ZFP2: variants seen among roughly 807,000 people sequenced by gnomAD.
ZFP2 encodes the protein zinc finger protein ZFP2.
A neutral mutation model predicts 36.1 loss-of-function variants in ZFP2; 33 were observed. The ratio of observed to expected loss-of-function variants is 0.92; its 90% confidence interval spans 0.69 to 1.22. The LOEUF (loss-of-function observed/expected upper bound fraction) is 1.22, where lower values mean the gene tolerates loss of function less well. Ranked by LOEUF, ZFP2 falls within the 50% of genes most tolerant of loss-of-function variation. The pLI is 0.00. For synonymous variants in ZFP2, 170 were observed against 178.0 expected, an observed-to-expected ratio of 0.96 and a Z score of 0.36; for missense variants, 522 against 551.4, an observed-to-expected ratio of 0.95 and a Z score of 0.53.
intron 4 of ZFP2, among the ~76,000 whole-genome samples, chr5:178,926,516 G>A (rs569490934): frequency 1.4e-5 from 2 of 147,622 alleles, no homozygotes; most frequent in African/African-American, 4.9e-5. Flanking sequence ...TCACCTGCTG[G>A]TATTTTCTTT....
chr5:178,929,215 T>A (rs138387638), intron 4 of ZFP2, among the ~76,000 whole-genome samples: 2 of 152,362 alleles, frequency 1.3e-5, no homozygotes, highest in African/African-American at 4.8e-5. Context: ...CTTTTCCCCA[T>A]TGTCTTGGCT....
At chr5:178,919,751 G>A (rs1388599844) in intron 4 of ZFP2, among the ~76,000 whole-genome samples, 1 of 152,104 alleles carries the variant, frequency 6.6e-6, no homozygotes, top group African/African-American at 2.4e-5. Context: ...CTTGAGGCCA[G>A]GAGTTTGAGA....
rs746947675 is a variant in ZFP2, at chr5:178,922,586, T to C, written c.-78+5876T>C. The stretch of plus-strand genomic sequence containing the variant: ...ATGGCTTGGAGCACGTCCTATTCCT[T>C]GACAGGGCAAGAGCATGGCAGGTAT... On this transcript the variant is annotated intron_variant, in intron 4 of 4. Coordinates refer to ENST00000361362, the MANE Select transcript of ZFP2 (RefSeq NM_030613.4). The C allele has an allele frequency of 2.7e-5, 42 of 1,553,120 alleles. 3 individuals carry two copies. The highest frequency in any genetic ancestry group is 2.2e-4 in the Middle Eastern group (1 of 4,474).
rs139498546 is a variant in ZFP2, at chr5:178,932,182, G to A, written c.869G>A (p.Arg290Gln). 2.5e-5 allele frequency: 40 copies of A among 1,614,026 alleles called. No individual in the cohort carries two copies. Among genetic ancestry groups the A allele is most frequent in the Admixed American group, 1.5e-4 (9 of 59,998 alleles). ...SKSSTLTLHQ[R>Q]NHTGEKPYKC... ...AGCTCAACTCTTACCCTACATCAGC[G>A]AAATCACACTGGAGAAAAACCTTAC... Residue 290 changes from arginine (R) to glutamine (Q), a missense_variant, in exon 5 of 5, where the codon CGA becomes CAA. Transcript: ENST00000361362.
intron 1 of ZFP2, among the ~76,000 whole-genome samples, chr5:178,905,962 G>C (rs994580744): frequency 1.3e-5 from 2 of 152,044 alleles, no homozygotes; most frequent in Admixed American, 1.3e-4. Context: ...ATGTTACCCA[G>C]GCTGGTCTCG....
chr5:178,908,213 C>G (rs558141750), intron 1 of ZFP2, among the ~76,000 whole-genome samples: 2 of 152,152 alleles, frequency 1.3e-5, no homozygotes, highest in South Asian at 2.1e-4. Context: ...CTTTGGGAGG[C>G]TAAGGTGGGC....
chr5:178,916,889 A>G (rs1758442554), intron 4 of ZFP2, among the ~76,000 whole-genome samples, 179 bp downstream of exon 4: 2 of 152,232 alleles, frequency 1.3e-5, no homozygotes, highest in South Asian at 4.1e-4. Flanking sequence ...TAGTAAAACT[A>G]GAAACTTCTG....
At chr5:178,922,837 G>C (rs1758587469) in intron 4 of ZFP2, 1 of 1,090,774 alleles carries the variant, frequency 9.2e-7, no homozygotes, top group African/African-American at 1.5e-5. Flanking sequence ...GTTACAACAT[G>C]ATGTGATTGT....
At chr5:178,926,919 T>A (rs1758686583) in intron 4 of ZFP2, among the ~76,000 whole-genome samples, 1 of 152,206 alleles carries the variant, frequency 6.6e-6, no homozygotes, top group South Asian at 2.1e-4. Flanking sequence ...CCACTTTTTC[T>A]CTCTTTTCAC....
intron 1 of ZFP2, among the ~76,000 whole-genome samples, chr5:178,909,318 A>G (rs1400072443): frequency 6.6e-6 from 1 of 152,210 alleles, no homozygotes. Context: ...GCAGCAGAAC[A>G]TGTTCCATAT....
intron 1 of ZFP2, among the ~76,000 whole-genome samples, 190 bp downstream of exon 1, chr5:178,896,164 C>T (rs1353009537): frequency 1.3e-5 from 2 of 152,190 alleles, no homozygotes; most frequent in Non-Finnish European, 2.9e-5. Flanking sequence ...AGGTGCGCTC[C>T]CTCTTCCCCA....
chr5:178,918,764 A>T (rs1758490760), intron 4 of ZFP2, among the ~76,000 whole-genome samples: 1 of 152,248 alleles, frequency 6.6e-6, no homozygotes, highest in Admixed American at 6.5e-5. Context: ...AATGATGGTA[A>T]TGATAACAGC....
intron 1 of ZFP2, among the ~76,000 whole-genome samples, chr5:178,908,277 T>C (rs192944564): frequency 2.0e-5 from 3 of 152,050 alleles, no homozygotes; most frequent in Admixed American, 6.6e-5. Flanking sequence ...TGAAACCCTG[T>C]CTCTACTAAA....
intron 1 of ZFP2, among the ~76,000 whole-genome samples, chr5:178,902,337 A>G (rs11249601): frequency 0.53 from 80,325 of 152,034 alleles, 21,745 homozygotes; most frequent in Non-Finnish European, 0.6. Flanking sequence ...TTATCAAAAT[A>G]AGGAAAACTT....
At chr5:178,917,003 G>T (rs1255422117) in intron 4 of ZFP2, among the ~76,000 whole-genome samples, 1 of 152,108 alleles carries the variant, frequency 6.6e-6, no homozygotes, top group African/African-American at 2.4e-5. Context: ...TACAAAAGAT[G>T]AATAGAAACT....
chr5:178,908,942 C>G (rs1253909403), intron 1 of ZFP2, among the ~76,000 whole-genome samples: 6 of 152,110 alleles, frequency 3.9e-5, no homozygotes, highest in Non-Finnish European at 8.8e-5. Context: ...TCTAAAACCC[C>G]TCGTGGCCTT....
rs576938701 is a variant in ZFP2 at position 178,909,864 on chromosome 5, A to G, written c.-449-2720A>G. 5.5e-5 allele frequency: 87 copies of G among 1,581,494 alleles called. No homozygotes were observed. In the East Asian group the frequency reaches 1.5e-3, roughly 28 times the overall value. ...ACTGTGGTTGCTGAGGTCAGGGCCA[A>G]TCACCTGAGTGAAGTTAAGGAACAT... On this transcript the variant is annotated intron_variant, in intron 1 of 4. Coordinates refer to ENST00000361362, the MANE Select transcript of ZFP2 (RefSeq NM_030613.4).
chr5:178,904,065 A>C (rs926321462), intron 1 of ZFP2, among the ~76,000 whole-genome samples: 1 of 152,142 alleles, frequency 6.6e-6, no homozygotes, highest in Non-Finnish European at 1.5e-5. Flanking sequence ...TGTGTTTTCT[A>C]TTAGTTTTAT....
At chr5:178,904,228 T>G (rs1758120845) in intron 1 of ZFP2, among the ~76,000 whole-genome samples, 1 of 152,194 alleles carries the variant, frequency 6.6e-6, no homozygotes, top group African/African-American at 2.4e-5. Flanking sequence ...TGGTGTGCCG[T>G]GTTCTGGATA....
Sources: gnomAD v4.1 joint callset for allele counts (sites outside exome capture counted in the v4.1 genomes callset) on GRCh38, gnomAD v4.1.1 for gene constraint, MANE v1.5 for transcripts, NCBI Gene and HGNC (gene_info 2026-07-23, HGNC 2026-07-21) for gene names.